CDRT4: variants seen among roughly 807,000 people sequenced by gnomAD.
CDRT4 encodes the protein CMT1A duplicated region transcript 4 protein.
For missense variants in CDRT4, 167 were observed against 193.1 expected (o/e 0.87, Z 0.80); for synonymous variants, 64 against 69.6 (o/e 0.92, Z 0.40).
intron 1 of CDRT4, among the ~76,000 whole-genome samples, chr17:15,462,499 G>A (rs1979804065): frequency 6.6e-6 from 1 of 151,838 alleles, no homozygotes; most frequent in African/African-American, 2.4e-5. Flanking sequence ...CCCTACTTTG[G>A]GGCTGGGTCC....
At chr17:15,449,931 T>C (rs1979190497) in intron 2 of CDRT4, among the ~76,000 whole-genome samples, 1 of 152,248 alleles carries the variant, frequency 6.6e-6, no homozygotes, top group Admixed American at 6.5e-5. Context: ...ATGGCATATA[T>C]ATGCCACATT....
intron 2 of CDRT4, among the ~76,000 whole-genome samples, chr17:15,447,959 T>C (rs991219715): frequency 3.3e-5 from 5 of 152,112 alleles, no homozygotes; most frequent in African/African-American, 1.2e-4. Context: ...CTTTAAGCAA[T>C]TTGTGCTCAG....
chr17:15,442,710 C>T (rs776600133), intron 2 of CDRT4, among the ~76,000 whole-genome samples: 11 of 152,084 alleles, frequency 7.2e-5, no homozygotes, highest in Non-Finnish European at 1.3e-4. Context: ...GACAAGTCTA[C>T]GAATGGTGGG....
intron 2 of CDRT4, among the ~76,000 whole-genome samples, chr17:15,445,868 C>A (rs549417447): frequency 6.6e-5 from 10 of 152,276 alleles, no homozygotes; most frequent in African/African-American, 1.9e-4. Context: ...TCTTGCCTGG[C>A]CCCAGAAGGA....
At chr17:15,438,750 A>C (rs1403887794) in intron 3 of CDRT4, among the ~76,000 whole-genome samples, 1 of 152,246 alleles carries the variant, frequency 6.6e-6, no homozygotes, top group African/African-American at 2.4e-5. Context: ...AAGATAACTT[A>C]TGTTAAGCTT....
intron 1 of CDRT4, among the ~76,000 whole-genome samples, chr17:15,462,579 C>G (rs1035389109): frequency 6.6e-6 from 1 of 151,918 alleles, no homozygotes; most frequent in Non-Finnish European, 1.5e-5. Flanking sequence ...GGCATTCATT[C>G]AGAAGAATAC....
chr17:15,461,435 G>T, intron 1 of CDRT4, among the ~76,000 whole-genome samples: 1 of 152,234 alleles, frequency 6.6e-6, no homozygotes, highest in Non-Finnish European at 1.5e-5. Context: ...GATGACTTGA[G>T]TTTATTTTAT....
Position 15,465,263 on chromosome 17 carries a change from CACACACACCAACACAA to C in CDRT4, c.-130+2181_-130+2196del, listed in dbSNP as rs1446342539. ...AACAGACACACACCAACACACACAACACACACACCAACACAAACACACACCAACACCAGACACACCA... is the reference window on the plus strand; with the variant it reads ...AACAGACACACACCAACACACACAACACACACACCAACACCAGACACACCA... On this transcript the variant is annotated intron_variant, in intron 1 of 3. Transcript: ENST00000619038. 5.3e-5 allele frequency among the ~76,000 whole-genome samples: 6 copies of C among 112,164 alleles called. 2 individuals are homozygous for C. In the East Asian group the frequency reaches 3.0e-3, roughly 55 times the overall value. 73.6% of individuals were successfully genotyped at this position (112,164 alleles called of 152,430 possible). A position where few individuals can be genotyped will look rare whatever the true frequency, so the allele number is the denominator to read the frequency against.
chr17:15,457,790 T>G (rs936326235), intron 1 of CDRT4, among the ~76,000 whole-genome samples: 6 of 152,116 alleles, frequency 3.9e-5, no homozygotes, highest in Non-Finnish European at 7.4e-5. Context: ...CTCCACATGC[T>G]CCACACGCTG....
At chr17:15,453,886 T>G (rs541940504) in intron 1 of CDRT4, among the ~76,000 whole-genome samples, 1 of 152,166 alleles carries the variant, frequency 6.6e-6, no homozygotes, top group Admixed American at 6.5e-5. Flanking sequence ...ATCCTTGGAG[T>G]GCCATGAGGA....
chr17:15,457,963 CAG>C (rs554957462), intron 1 of CDRT4, among the ~76,000 whole-genome samples: 54 of 152,360 alleles, frequency 3.5e-4, no homozygotes, highest in Admixed American at 5.2e-4. Flanking sequence ...CCGAAGGAAA[CAG>C]AGAGGGGCTC....
chr17:15,438,120 G>C lies in CDRT4; in HGVS notation c.112C>G (p.Gln38Glu). The change falls in exon 4 of 4, where the codon CAG (glutamine) becomes GAG (glutamate). Residue 38 changes from glutamine to glutamate, a missense_variant. Physicochemically the swap from Gln to Glu is conservative, Grantham distance 29. Coordinates refer to ENST00000619038, the MANE Select transcript of CDRT4 (RefSeq NM_001204477.2). ...TTCTCAATGAGTCTTTTCACTGTCT[G>C]AGAGGTATAGGTGACATAGGCCGGC... ...PWPAYVTYTS[Q>E]TVKRLIEKSK... 4 of 1,614,148 alleles carry C rather than the reference G, an allele frequency of 2.5e-6. No homozygotes were observed. The highest frequency in any genetic ancestry group is 3.4e-6 in the Non-Finnish European group (4 of 1,180,020).
rs776611795 is a variant in CDRT4, at chr17:15,463,859, T to C, written c.-130+3601A>G. Among the ~76,000 whole-genome samples the C allele has an allele frequency of 9.2e-4, 140 of 152,156 alleles. 2 individuals carry two copies. The highest frequency in any genetic ancestry group is 1.6e-4 in the Non-Finnish European group (11 of 68,030). ...GAGCCCCAGAAGGTCCTAGGGAAGA[T>C]ACAAGGCTGGGGTCTGGCCAGGGAT... On this transcript the variant is annotated intron_variant, in intron 1 of 3. Transcript: ENST00000619038.
intron 2 of CDRT4, chr17:15,443,930 T>C: frequency 1.5e-6 from 1 of 659,852 alleles, no homozygotes; most frequent in Non-Finnish European, 2.9e-6. Flanking sequence ...TCCCCATCAA[T>C]GTTGTTATCC....
At position 15,464,109 on chromosome 17, in the gene CDRT4, G is replaced by A. The variant is rs145247596; in HGVS notation, c.-130+3351C>T. ...TGGCATTAGGCAGTGCTAGGTTCGA[G>A]TCTTGCTTCTGACCAACTGTGTGAC... On this transcript the variant is annotated intron_variant, in intron 1 of 3. Transcript: ENST00000619038. The surrounding 1 kb of genome is among the most constrained non-coding windows in gnomAD (Gnocchi z 4.5). Among the ~76,000 whole-genome samples the A allele has an allele frequency of 7.1e-4, 108 of 152,330 alleles. No homozygotes were observed. The highest frequency in any genetic ancestry group is 2.3e-3 in the African/African-American group (94 of 41,574).
At chr17:15,440,717 G>A (rs1232964020) in intron 2 of CDRT4, among the ~76,000 whole-genome samples, 3 of 152,230 alleles carry the variant, frequency 2.0e-5, no homozygotes, top group Non-Finnish European at 4.4e-5. Context: ...AGCCTGGAAT[G>A]ACAGAAGGTA....
intron 2 of CDRT4, among the ~76,000 whole-genome samples, chr17:15,444,484 T>G (rs565562131): frequency 2.6e-5 from 4 of 152,238 alleles, no homozygotes; most frequent in South Asian, 4.2e-4. Flanking sequence ...TGCAGCAAAA[T>G]TTGGGAACTG....
chr17:15,452,708 G>C (rs941037087), intron 2 of CDRT4: 1 of 152,204 alleles, frequency 6.6e-6, no homozygotes, highest in South Asian at 2.1e-4. Context: ...CTTCCAGGAC[G>C]GCTCCAGTGA....
At chr17:15,465,302 C>G (rs1016726896) in intron 1 of CDRT4, among the ~76,000 whole-genome samples, 1 of 146,264 alleles carries the variant, frequency 6.8e-6, no homozygotes, top group African/African-American at 2.6e-5. Flanking sequence ...ACCAGACACA[C>G]CAACACACAG....
Sources: gnomAD v4.1 joint callset for allele counts (sites outside exome capture counted in the v4.1 genomes callset) on GRCh38, gnomAD v4.1.1 for gene constraint, Gnocchi (gnomAD v3.1) non-coding constraint, MANE v1.5 for transcripts, NCBI Gene and HGNC (gene_info 2026-07-23, HGNC 2026-07-21) for gene names.